The following DNAAF11 variants were observed in gnomAD, a reference collection of about 807,000 sequenced individuals.
The protein encoded by DNAAF11 is leucine rich repeat containing 6.
A neutral mutation model predicts 60.8 loss-of-function variants in DNAAF11; 45 were observed. The observed-to-expected ratio is 0.74, with a 90% confidence interval of 0.58 to 0.95. The LOEUF (loss-of-function observed/expected upper bound fraction) is 0.95, where lower values mean the gene tolerates loss of function less well. DNAAF11 is among the 40% of genes least tolerant of loss of function. DNAAF11 has a pLI of 0.00. For missense variants in DNAAF11, 546 were observed against 546.2 expected, an observed-to-expected ratio of 1.00 and a Z score of 0.00; for synonymous variants, 191 against 183.5, an observed-to-expected ratio of 1.04 and a Z score of -0.33.
chr8:132,611,031 A>C (rs1818610568), intron 9 of DNAAF11, among the ~76,000 whole-genome samples: 1 of 152,088 alleles, frequency 6.6e-6, no homozygotes, highest in Admixed American at 6.6e-5. Flanking sequence ...AGGAGCTGGG[A>C]TTACGGGCAT....
intron 3 of DNAAF11, among the ~76,000 whole-genome samples, chr8:132,652,612 TA>T (rs1297912339): frequency 6.6e-6 from 1 of 151,942 alleles, no homozygotes; most frequent in African/African-American, 2.4e-5. Flanking sequence ...TATGCAGCCA[TA>T]AAAAAGGGTG....
intron 6 of DNAAF11, 75 bp from the exon 7 acceptor site, chr8:132,622,763 T>A: frequency 2.0e-6 from 2 of 1,014,862 alleles, no homozygotes; most frequent in Non-Finnish European, 3.0e-6. Flanking sequence ...TAAAAGCAAT[T>A]AATACATTTT....
At chr8:132,684,986 C>A in the DNAAF11 span, 4 of 151,336 alleles carry the variant, frequency 2.6e-5, no homozygotes, top group African/African-American at 9.8e-5. Context: ...ACAATGAAGA[C>A]CCTATTAATC....
chr8:132,611,445 G>A, intron 8 of DNAAF11, 82 bp from the exon 9 acceptor site: 2 of 742,348 alleles, frequency 2.7e-6, no homozygotes, highest in East Asian at 2.7e-5. Context: ...CACACTTACA[G>A]GACCATTTTA....
intron 5 of DNAAF11, among the ~76,000 whole-genome samples, chr8:132,631,434 C>A (rs904632246): frequency 1.3e-5 from 2 of 152,174 alleles, no homozygotes; most frequent in Non-Finnish European, 2.9e-5. Flanking sequence ...TCTATACTTA[C>A]AATGAATTAG....
At chr8:132,683,980 C>G in the DNAAF11 span, among the ~76,000 whole-genome samples, 1 of 152,200 alleles carries the variant, frequency 6.6e-6, no homozygotes, top group Non-Finnish European at 1.5e-5. Context: ...CCATGGCATC[C>G]TGGCCAGACT....
At chr8:132,694,825 C>T in the DNAAF11 span, among the ~76,000 whole-genome samples, 2 of 152,120 alleles carry the variant, frequency 1.3e-5, no homozygotes, top group African/African-American at 4.8e-5. Context: ...TCATGGTTTA[C>T]AGAGGTGTTT....
intron 1 of DNAAF11, among the ~76,000 whole-genome samples, chr8:132,667,103 T>C (rs1215877697): frequency 6.6e-6 from 1 of 152,198 alleles, no homozygotes; most frequent in East Asian, 1.9e-4. Context: ...TAAAGAGCCC[T>C]GGAGAGCTAA....
chr8:132,701,245 T>C, the DNAAF11 span, among the ~76,000 whole-genome samples: 2 of 152,168 alleles, frequency 1.3e-5, no homozygotes, highest in African/African-American at 4.8e-5. Context: ...ACAACAAATG[T>C]TCACTACAAA....
chr8:132,702,880 AAG>A, the DNAAF11 span, among the ~76,000 whole-genome samples: 5 of 152,332 alleles, frequency 3.3e-5, no homozygotes, highest in East Asian at 9.6e-4. Context: ...AGGACACAGC[AAG>A]AGAGGAAACA....
upstream of DNAAF11, among the ~76,000 whole-genome samples, chr8:132,676,832 G>A (rs957205483): frequency 6.6e-6 from 1 of 152,180 alleles, no homozygotes; most frequent in Non-Finnish European, 1.5e-5. Context: ...AACTGAACTG[G>A]AAGAGTGGGA....
At chr8:132,622,510 G>A in intron 7 of DNAAF11, 101 bp downstream of exon 7, 1 of 842,648 alleles carries the variant, frequency 1.2e-6, no homozygotes, top group Non-Finnish European at 1.9e-6. Context: ...AGAGCAGTCA[G>A]AAATATTCTT....
At chr8:132,622,850 T>A in intron 6 of DNAAF11, 162 bp from the exon 7 acceptor site, 1 of 586,782 alleles carries the variant, frequency 1.7e-6, no homozygotes, top group Non-Finnish European at 3.0e-6. Flanking sequence ...TCCATTCCTT[T>A]AATTCTATGC....
intron 1 of DNAAF11, among the ~76,000 whole-genome samples, chr8:132,674,338 A>G (rs1825558904): frequency 6.6e-6 from 1 of 152,024 alleles, no homozygotes; most frequent in Non-Finnish European, 1.5e-5. Context: ...ACATTTACAA[A>G]TCACTCCCCC....
At position 132,572,372 on chromosome 8, in the gene DNAAF11, G is replaced by A; in HGVS notation, c.1335C>T (p.Pro445=). The A allele has an allele frequency of 6.2e-7, 1 of 1,613,962 alleles. No individual in the cohort carries two copies. Among genetic ancestry groups the A allele is most frequent in the South Asian group, 1.1e-5 (1 of 91,050 alleles). The change falls in exon 12 of 12, where the codon CCC becomes CCT. Residue 445 remains proline (P), a synonymous_variant. Coordinates refer to ENST00000620350, the MANE Select transcript of DNAAF11 (RefSeq NM_012472.6). ...KKHTPRRRPE[P]KIIPSEEDPT... The stretch of plus-strand genomic sequence containing the variant: ...GGTCTTCCTCACTTGGTATAATTTT[G>A]GGTTCAGGTCGTCTTCTGGGTGTGT...
chr8:132,649,959 G>A (rs1195588198), intron 3 of DNAAF11, among the ~76,000 whole-genome samples: 1 of 152,206 alleles, frequency 6.6e-6, no homozygotes, highest in Non-Finnish European at 1.5e-5. Flanking sequence ...AGACAGTGTG[G>A]TGATTCCTCA....
upstream of DNAAF11, among the ~76,000 whole-genome samples, chr8:132,676,788 G>A (rs1003353322): frequency 2.6e-5 from 4 of 152,058 alleles, no homozygotes; most frequent in African/African-American, 9.7e-5. Context: ...GATTAGATCG[G>A]GGGTAATGGG....
At chr8:132,675,188 G>T (rs747003497) in intron 1 of DNAAF11, 3 of 395,142 alleles carry the variant, frequency 7.6e-6, no homozygotes, top group Admixed American at 9.0e-5. Context: ...ACCCCTGCAC[G>T]TTCCCCGACC....
At chr8:132,582,274 C>T (rs1815420264) in intron 11 of DNAAF11, among the ~76,000 whole-genome samples, 1 of 152,196 alleles carries the variant, frequency 6.6e-6, no homozygotes, top group Non-Finnish European at 1.5e-5. Flanking sequence ...TGGTGTGATC[C>T]TTTCTCAGTA....
Sources: allele counts gnomAD v4.1 joint callset (sites outside exome capture counted in the v4.1 genomes callset), GRCh38; gene constraint gnomAD v4.1.1; transcripts MANE v1.5; gene names NCBI Gene and HGNC (gene_info 2026-07-23, HGNC 2026-07-21).